Variants in LRRC4C observed in about 807,000 individuals in gnomAD.
The protein encoded by LRRC4C is leucine rich repeat containing 4C.
LRRC4C carries 5 observed loss-of-function variants against 33.6 expected under a neutral mutation model. The ratio of observed to expected loss-of-function variants is 0.15; its 90% CI spans 0.08 to 0.31. The LOEUF (loss-of-function observed/expected upper bound fraction) is 0.31. Ranked by LOEUF, LRRC4C falls within the 10% of genes least tolerant of loss-of-function variation. The probability of loss-of-function intolerance (pLI) is 1.00; values close to 1 mark genes in which losing one functional copy is unlikely to be tolerated. For synonymous variants in LRRC4C, 329 were observed against 302.0 expected (o/e 1.09, Z -0.93); for missense variants, 560 against 796.7 (o/e 0.70, Z 3.58).
chr11:40,491,593 C>A (rs1176624672), intron 3 of LRRC4C, among the ~76,000 whole-genome samples: 1 of 152,062 alleles, frequency 6.6e-6, no homozygotes, highest in African/African-American at 2.4e-5. Context: ...TCACTTCCTG[C>A]CATACAGCTC....
chr11:41,398,805 T>C (rs531098033), intron 1 of LRRC4C, among the ~76,000 whole-genome samples: 1 of 152,054 alleles, frequency 6.6e-6, no homozygotes, highest in Admixed American at 6.6e-5. Context: ...CTTATCAAGC[T>C]GTAAATTATT....
chr11:41,183,006 C>G (rs567435626), intron 1 of LRRC4C, among the ~76,000 whole-genome samples: 1 of 151,924 alleles, frequency 6.6e-6, no homozygotes, highest in African/African-American at 2.4e-5. Context: ...TTTTTAAAAC[C>G]ATCAGATGTC....
intron 2 of LRRC4C, among the ~76,000 whole-genome samples, chr11:40,663,225 C>T (rs906631149): frequency 1.2e-4 from 19 of 152,160 alleles, no homozygotes; most frequent in Non-Finnish European, 2.2e-4. Context: ...GGATTACAGG[C>T]GTGCACCACC....
At chr11:40,734,768 G>T (rs1302983253) in intron 2 of LRRC4C, among the ~76,000 whole-genome samples, 1 of 152,152 alleles carries the variant, frequency 6.6e-6, no homozygotes, top group East Asian at 1.9e-4. Flanking sequence ...CAGGGAGTAT[G>T]ATGGTTAATT....
At chr11:41,236,007 G>T (rs1344976516) in intron 1 of LRRC4C, among the ~76,000 whole-genome samples, 3 of 152,096 alleles carry the variant, frequency 2.0e-5, no homozygotes, top group African/African-American at 7.2e-5. Flanking sequence ...AGAGGTAGAA[G>T]TGGCTATGGA....
intron 1 of LRRC4C, among the ~76,000 whole-genome samples, chr11:41,265,500 G>T (rs1174255351): frequency 1.3e-5 from 2 of 151,996 alleles, no homozygotes; most frequent in African/African-American, 2.4e-5. Flanking sequence ...TAAATTACTG[G>T]AACAAAGGGT....
At chr11:40,753,297 A>G (rs183625361) in intron 2 of LRRC4C, among the ~76,000 whole-genome samples, 52 of 152,172 alleles carry the variant, frequency 3.4e-4, no homozygotes, top group African/African-American at 1.2e-3. Context: ...GGACTTGAAC[A>G]CATCAAAATG....
chr11:41,124,978 C>G (rs905234865), intron 1 of LRRC4C, among the ~76,000 whole-genome samples: 1 of 152,144 alleles, frequency 6.6e-6, no homozygotes, highest in African/African-American at 2.4e-5. Context: ...TCTGTGGACA[C>G]CAGTTATCGG....
At chr11:41,061,769 T>A (rs1044865294) in intron 1 of LRRC4C, among the ~76,000 whole-genome samples, 1 of 152,216 alleles carries the variant, frequency 6.6e-6, no homozygotes, top group African/African-American at 2.4e-5. Context: ...GATTCACGTT[T>A]GTCCATTTGG....
intron 3 of LRRC4C, among the ~76,000 whole-genome samples, chr11:40,509,311 A>G (rs1342788175): frequency 6.6e-6 from 1 of 152,150 alleles, no homozygotes; most frequent in Non-Finnish European, 1.5e-5. Context: ...TTAGCATGAT[A>G]AATAGTTTAA....
chr11:40,850,718 G>A (rs1163554971), intron 2 of LRRC4C, among the ~76,000 whole-genome samples: 2 of 152,218 alleles, frequency 1.3e-5, no homozygotes, highest in Non-Finnish European at 2.9e-5. Context: ...GTCTGCTGAA[G>A]TTGTACCCAC....
At chr11:41,421,525 C>T (rs1954872729) in intron 1 of LRRC4C, among the ~76,000 whole-genome samples, 1 of 151,964 alleles carries the variant, frequency 6.6e-6, no homozygotes, top group Non-Finnish European at 1.5e-5. Flanking sequence ...ATTGTTATAG[C>T]TCAGTAGCAA....
At chr11:41,182,562 C>G (rs1945499846) in intron 1 of LRRC4C, among the ~76,000 whole-genome samples, 1 of 152,048 alleles carries the variant, frequency 6.6e-6, no homozygotes, top group South Asian at 2.1e-4. Context: ...TAATAATAAT[C>G]TATTTCATGA....
intron 1 of LRRC4C, among the ~76,000 whole-genome samples, chr11:41,037,980 A>G (rs768954862): frequency 2.0e-5 from 3 of 152,206 alleles, no homozygotes; most frequent in Non-Finnish European, 2.9e-5. Context: ...TCTTCAGTCA[A>G]CACTGACGAA....
chr11:41,458,833 T>C (rs542471323), intron 1 of LRRC4C, among the ~76,000 whole-genome samples: 16 of 151,888 alleles, frequency 1.1e-4, no homozygotes, highest in African/African-American at 3.6e-4. Flanking sequence ...AAGAGAGAGG[T>C]TCAAAATACT....
chr11:40,455,979 CTT>C (rs1952113952), intron 3 of LRRC4C, among the ~76,000 whole-genome samples: 2 of 152,098 alleles, frequency 1.3e-5, no homozygotes, highest in South Asian at 2.1e-4. Context: ...TTGCCTGTCT[CTT>C]TGATTAATTC....
At chr11:40,815,842 C>T (rs1951685115) in intron 2 of LRRC4C, among the ~76,000 whole-genome samples, 1 of 152,148 alleles carries the variant, frequency 6.6e-6, no homozygotes, top group Non-Finnish European at 1.5e-5. Context: ...TTTACCAGTG[C>T]TATATGATTA....
chr11:40,682,264 C>T (rs1944727064), intron 2 of LRRC4C, among the ~76,000 whole-genome samples: 1 of 143,852 alleles, frequency 7.0e-6, no homozygotes, highest in Non-Finnish European at 1.5e-5. Context: ...AGTGAGGCCC[C>T]ACCTTGAAAA....
At chr11:40,925,560 G>T (rs142346873) in intron 2 of LRRC4C, among the ~76,000 whole-genome samples, 1 of 152,268 alleles carries the variant, frequency 6.6e-6, no homozygotes, top group African/African-American at 2.4e-5. Flanking sequence ...TATTGAAGTT[G>T]TTTGTTCCAC....
Sources: gnomAD v4.1 joint callset for allele counts (sites outside exome capture counted in the v4.1 genomes callset) on GRCh38, gnomAD v4.1.1 for gene constraint, MANE v1.5 for transcripts, NCBI Gene and HGNC (gene_info 2026-07-23, HGNC 2026-07-21) for gene names.